The following SMYD3 variants were observed in gnomAD, a reference collection of about 807,000 sequenced individuals.
SMYD3 encodes the protein SET and MYND domain containing 3, also known as histone-lysine N-methyltransferase SMYD3.
Under a neutral mutation model 57.7 loss-of-function variants are expected in SMYD3, and 36 were observed. That is an observed-to-expected ratio of 0.62 (90% CI 0.48 to 0.82). The LOEUF is 0.82. Ranked by LOEUF, SMYD3 falls within the 40% of genes least tolerant of loss-of-function variation. SMYD3 has a pLI of 0.00. For missense variants in SMYD3, 515 were observed against 538.8 expected (o/e 0.96, Z 0.44); for synonymous variants, 211 against 195.0 (o/e 1.08, Z -0.68).
intron 10 of SMYD3, among the ~76,000 whole-genome samples, chr1:245,840,685 A>C (rs4654131): frequency 0.59 from 89,989 of 151,740 alleles, 27,767 homozygotes; most frequent in East Asian, 0.98. Flanking sequence ...TAAGAAACTT[A>C]AATCTAAAAA....
chr1:245,983,179 T>C (rs2058635594), intron 5 of SMYD3, among the ~76,000 whole-genome samples: 1 of 152,202 alleles, frequency 6.6e-6, no homozygotes, highest in South Asian at 2.1e-4. Context: ...GTGGCAGCTT[T>C]CGGGACATTG....
chr1:246,106,664 C>A (rs982724698), intron 5 of SMYD3, among the ~76,000 whole-genome samples: 5 of 152,142 alleles, frequency 3.3e-5, no homozygotes, highest in Non-Finnish European at 7.3e-5. Context: ...CGTCTCTTCC[C>A]TCTGGTGGGT....
intron 8 of SMYD3, among the ~76,000 whole-genome samples, chr1:245,879,813 T>A (rs376595843): frequency 1.3e-5 from 2 of 152,076 alleles, no homozygotes; most frequent in African/African-American, 4.8e-5. Context: ...AAAATAAAAC[T>A]CTGTAATGGA....
chr1:246,441,383 AG>A (rs1412242132), intron 1 of SMYD3, among the ~76,000 whole-genome samples: 1 of 152,206 alleles, frequency 6.6e-6, no homozygotes, highest in Non-Finnish European at 1.5e-5. Flanking sequence ...CATACTGAAA[AG>A]AACCCTGAAA....
intron 8 of SMYD3, among the ~76,000 whole-genome samples, chr1:245,871,491 T>C (rs981498764): frequency 3.3e-5 from 5 of 152,186 alleles, no homozygotes; most frequent in African/African-American, 9.6e-5. Flanking sequence ...GTGGACATTA[T>C]AGGCTGGGGA....
At chr1:246,292,299 T>G (rs1572345270) in intron 5 of SMYD3, among the ~76,000 whole-genome samples, 1 of 151,912 alleles carries the variant, frequency 6.6e-6, no homozygotes, top group Non-Finnish European at 1.5e-5. Flanking sequence ...AGACTTACTA[T>G]CCAACACACC....
chr1:245,912,557 G>A (rs1029925552), intron 8 of SMYD3, among the ~76,000 whole-genome samples: 2 of 151,800 alleles, frequency 1.3e-5, no homozygotes, highest in African/African-American at 2.4e-5. Flanking sequence ...AGGCAATACC[G>A]AGCAAAAAGA....
intron 5 of SMYD3, among the ~76,000 whole-genome samples, chr1:246,257,450 C>A (rs1223387356): frequency 6.6e-6 from 1 of 152,122 alleles, no homozygotes; most frequent in African/African-American, 2.4e-5. Flanking sequence ...TTTGTTTTAT[C>A]TGATGTAAGA....
At chr1:245,805,492 T>C (rs1037994660) in intron 10 of SMYD3, among the ~76,000 whole-genome samples, 8 of 152,264 alleles carry the variant, frequency 5.3e-5, no homozygotes, top group African/African-American at 1.9e-4. Flanking sequence ...CATTTGCTGA[T>C]GTGCAATTTG....
chr1:246,471,373 T>C (rs1286681651), intron 1 of SMYD3, among the ~76,000 whole-genome samples: 1 of 152,074 alleles, frequency 6.6e-6, no homozygotes, highest in Admixed American at 6.6e-5. Flanking sequence ...TAATTCTGTT[T>C]TTTTGTAGAG....
intron 8 of SMYD3, among the ~76,000 whole-genome samples, chr1:245,872,008 C>T (rs901751371): frequency 2.0e-5 from 3 of 152,198 alleles, no homozygotes; most frequent in African/African-American, 7.2e-5. Context: ...TCAACGTAGT[C>T]ATCCAAGCAA....
chr1:246,022,123 T>C (rs1478038579), intron 5 of SMYD3, among the ~76,000 whole-genome samples: 2 of 152,194 alleles, frequency 1.3e-5, no homozygotes, highest in Non-Finnish European at 2.9e-5. Flanking sequence ...GAACGCAAAT[T>C]CATGATCATT....
intron 5 of SMYD3, among the ~76,000 whole-genome samples, chr1:246,110,179 G>A (rs34338862): frequency 6.6e-6 from 1 of 152,172 alleles, no homozygotes; most frequent in East Asian, 1.9e-4. Flanking sequence ...TGAGTAAGGG[G>A]TGCACATCTA....
intron 5 of SMYD3, among the ~76,000 whole-genome samples, chr1:246,101,064 GTTT>G (rs538220674): frequency 8.9e-5 from 7 of 78,596 alleles, no homozygotes; most frequent in Admixed American, 2.9e-4. Flanking sequence ...ATTTTTAGGG[GTTT>G]TTTGTTTTTT....
chr1:246,082,460 C>T lies in SMYD3; in HGVS notation c.532-152523G>A, dbSNP rs567121965. Among the ~76,000 whole-genome samples the T allele has an allele frequency of 8.5e-5, 13 of 152,272 alleles. No individual in the cohort carries two copies. In the East Asian group the frequency reaches 2.1e-3, roughly 25 times the overall value. On this transcript the variant is annotated intron_variant, in intron 5 of 11. Coordinates refer to ENST00000490107, the MANE Select transcript of SMYD3 (RefSeq NM_001167740.2). Reference sequence around the variant, plus strand: ...CATGGCCCCCGCCCAGAGGCATACTCAGCATAGCAGGACCGTTTCCTACCC... The same window carrying T: ...CATGGCCCCCGCCCAGAGGCATACTTAGCATAGCAGGACCGTTTCCTACCC...
intron 1 of SMYD3, among the ~76,000 whole-genome samples, chr1:246,359,003 A>AT (rs2065949621): frequency 6.6e-6 from 1 of 152,126 alleles, no homozygotes; most frequent in Admixed American, 6.5e-5. Flanking sequence ...AACAAAAAAA[A>AT]TGCAAAAGAT....
chr1:246,303,553 A>T (rs1476831922), intron 5 of SMYD3, among the ~76,000 whole-genome samples: 1 of 152,140 alleles, frequency 6.6e-6, no homozygotes, highest in Non-Finnish European at 1.5e-5. Flanking sequence ...TAAATTTTAT[A>T]TTATTTTTAT....
chr1:246,111,158 G>T (rs934392424), intron 5 of SMYD3, among the ~76,000 whole-genome samples: 1 of 151,944 alleles, frequency 6.6e-6, no homozygotes, highest in Admixed American at 6.5e-5. Context: ...CTCTACAATA[G>T]TTCATTATAA....
At chr1:246,131,489 G>A (rs1294058006) in intron 5 of SMYD3, among the ~76,000 whole-genome samples, 1 of 152,150 alleles carries the variant, frequency 6.6e-6, no homozygotes, top group Non-Finnish European at 1.5e-5. Flanking sequence ...GACCATGCCT[G>A]CTCTACCATG....
Sources: gnomAD v4.1 joint callset for allele counts (sites outside exome capture counted in the v4.1 genomes callset) on GRCh38, gnomAD v4.1.1 for gene constraint, MANE v1.5 for transcripts, NCBI Gene and HGNC (gene_info 2026-07-23, HGNC 2026-07-21) for gene names.